Variants in FBN1 observed in about 807,000 individuals in gnomAD.
FBN1 encodes fibrillin-1.
FBN1 carries 29 observed loss-of-function variants against 365.1 expected under a neutral mutation model. That is an observed-to-expected ratio of 0.08 (90% CI 0.06 to 0.11). The LOEUF is 0.11. Ranked by LOEUF, FBN1 falls within the 10% of genes least tolerant of loss-of-function variation. FBN1 has a pLI of 1.00. For synonymous variants in FBN1, 1,210 were observed against 1,270.5 expected, an observed-to-expected ratio of 0.95 and a Z score of 1.01; for missense variants, 2,476 against 3,703.2, an observed-to-expected ratio of 0.67 and a Z score of 8.60.
In FBN1 at chr15:48,489,200, ATTTTTTTTTTTTTTTTT is replaced by A. The variant is rs756179079; in HGVS notation, c.3082+634_3082+650del. 8.3e-5 allele frequency among the ~76,000 whole-genome samples: 4 copies of A among 48,452 alleles called. No individual in the cohort carries two copies. The East Asian group carries it at 2.9e-3, about 35-fold the overall frequency. The allele number at this position is 48,452 out of a possible 152,430, so 31.8% of individuals were successfully genotyped here. A position where few individuals can be genotyped will look rare whatever the true frequency, so the allele number is the denominator to read the frequency against. On this transcript the variant is annotated intron_variant, in intron 25 of 65. Transcript: ENST00000316623. ...CAGGTGTGCACCACCATGCCTAGAT[ATTTTTTTTTTTTTTTTT>A]TTTTTTTTTTTTGTAGACACAGGGT...
chr15:48,540,243 T>C (rs868501049), intron 6 of FBN1, among the ~76,000 whole-genome samples: 65 of 152,286 alleles, frequency 4.3e-4, no homozygotes, highest in African/African-American at 1.1e-3. Flanking sequence ...CTTTAGACAA[T>C]TGAGAAAAGG....
chr15:48,438,705 G>C (rs2043091240), intron 50 of FBN1, among the ~76,000 whole-genome samples: 1 of 152,162 alleles, frequency 6.6e-6, no homozygotes, highest in Admixed American at 6.5e-5. Context: ...TTTCAATATT[G>C]ATTATTGCTT....
At chr15:48,556,509 G>C (rs775537500) in intron 6 of FBN1, among the ~76,000 whole-genome samples, 5 of 152,198 alleles carry the variant, frequency 3.3e-5, no homozygotes, top group Admixed American at 6.5e-5. Flanking sequence ...GAATTAAGTG[G>C]AAAAGTGCTT....
At chr15:48,444,216 C>T (rs946776935) in intron 49 of FBN1, among the ~76,000 whole-genome samples, 1 of 152,032 alleles carries the variant, frequency 6.6e-6, no homozygotes, top group African/African-American at 2.4e-5. Flanking sequence ...TTTTTAGCTG[C>T]AAAGAATCGC....
At chr15:48,642,997 G>C (rs1236914432) in intron 2 of FBN1, 1 of 152,194 alleles carries the variant, frequency 6.6e-6, no homozygotes, top group East Asian at 1.9e-4. Context: ...ACTAGTTGGT[G>C]ACAGCCCAGA....
intron 53 of FBN1, 116 bp downstream of exon 53, chr15:48,436,845 T>C (rs2043075835): frequency 2.2e-5 from 17 of 773,928 alleles, no homozygotes; most frequent in Non-Finnish European, 2.4e-6. Context: ...TATGAGTGGA[T>C]GGATAAAACT....
chr15:48,581,694 TCTGA>T (rs1176150577), intron 6 of FBN1, among the ~76,000 whole-genome samples: 1 of 152,116 alleles, frequency 6.6e-6, no homozygotes, highest in African/African-American at 2.4e-5. Flanking sequence ...GTGTCAGCAG[TCTGA>T]CTGAAAATCA....
intron 2 of FBN1, among the ~76,000 whole-genome samples, chr15:48,635,305 A>C (rs545868463): frequency 6.6e-6 from 1 of 152,346 alleles, no homozygotes; most frequent in Admixed American, 6.5e-5. Flanking sequence ...CAACCAAAAA[A>C]AAGTCACTTA....
At chr15:48,435,692 A>G (rs2413902) in intron 53 of FBN1, among the ~76,000 whole-genome samples, 2,270 of 133,126 alleles carry the variant, frequency 0.017, 48 homozygotes, top group East Asian at 0.08. Context: ...GTGTGTGTGC[A>G]TGTGTGTGTG....
In FBN1 at chr15:48,443,677, G is replaced by C. The variant is rs188141456; in HGVS notation, c.6037+864C>G. On this transcript the variant is annotated intron_variant, in intron 49 of 65. Transcript: ENST00000316623. ...CAGACCTGTTTAAAGTCAGGGGTGT[G>C]AACTAGGTGACTTCTTGAAAATCCT... Among the ~76,000 whole-genome samples, 573 of 152,278 alleles carry C rather than the reference G, an allele frequency of 3.8e-3. 6 individuals are homozygous for C. Among genetic ancestry groups the C allele is most frequent in the African/African-American group, 0.013 (553 of 41,564 alleles).
At chr15:48,577,637 G>T (rs1397895367) in intron 6 of FBN1, among the ~76,000 whole-genome samples, 2 of 152,082 alleles carry the variant, frequency 1.3e-5, no homozygotes, top group African/African-American at 4.8e-5. Flanking sequence ...AACAAAGCCT[G>T]TTATTTCTTG....
In FBN1 at chr15:48,441,635, A is replaced by G. The variant is rs565056329; in HGVS notation, c.6163+86T>C. On this transcript the variant is annotated intron_variant, in intron 50 of 65. Transcript: ENST00000316623. ...ACTCTCCATCTTCCTGTTCACAAAG[A>G]AACAGAGCTTTGCCATGTTTGAAAA... The G allele has an allele frequency of 5.2e-5, 80 of 1,534,040 alleles. No individual in the cohort carries two copies. The African/African-American group carries it at 1.1e-3, about 21-fold the overall frequency.
At chr15:48,599,745 T>C (rs2044547423) in intron 5 of FBN1, among the ~76,000 whole-genome samples, 2 of 152,144 alleles carry the variant, frequency 1.3e-5, no homozygotes, top group Admixed American at 1.3e-4. Flanking sequence ...TTAGAGAGAA[T>C]GATGAGGCTG....
At chr15:48,582,954 T>C (rs528359266) in intron 6 of FBN1, among the ~76,000 whole-genome samples, 6 of 152,180 alleles carry the variant, frequency 3.9e-5, no homozygotes, top group Non-Finnish European at 7.3e-5. Context: ...AAGAGTCTCA[T>C]GGTCAGCCGG....
chr15:48,489,705 C>T, intron 25 of FBN1, 146 bp downstream of exon 25: 2 of 731,970 alleles, frequency 2.7e-6, no homozygotes, highest in Non-Finnish European at 2.3e-6. Context: ...ACAAAAAGTT[C>T]ATACTTTTCT....
rs2141249124 is a variant in FBN1 at position 48,445,397 on chromosome 15, G to A, written c.5896C>T (p.Pro1966Ser). 3 of 1,612,522 alleles carry A rather than the reference G, an allele frequency of 1.9e-6. No homozygotes were observed. Among genetic ancestry groups the A allele is most frequent in the Non-Finnish European group, 2.5e-6 (3 of 1,179,166 alleles). ...CQCNEGYEVA[P>S]DGRTCVDINE... is the part of the protein sequence containing the mutation. Reference sequence around the variant, plus strand: ...TTACCCACACAGGTCCTCCCATCTGGAGCCACCTCATAGCCTTCATTGCAC... The same window carrying A: ...TTACCCACACAGGTCCTCCCATCTGAAGCCACCTCATAGCCTTCATTGCAC... The change falls in exon 48 of 66, where the codon CCA becomes TCA. Residue 1966 changes from proline (P) to serine (S), a missense_variant. By Grantham distance (74) the Pro-to-Ser change is moderately conservative (BLOSUM62 -1). This residue lies in a region of FBN1 where 1,780 missense variants were observed against 2,840.8 expected (regional missense o/e 0.63). Transcript: ENST00000316623.
chr15:48,508,195 T>C (rs1212953719), intron 15 of FBN1, among the ~76,000 whole-genome samples: 1 of 152,134 alleles, frequency 6.6e-6, no homozygotes, highest in African/African-American at 2.4e-5. Flanking sequence ...CAGGTAAAGA[T>C]GTAAGAGGTG....
chr15:48,527,713 T>C (rs1219609536), intron 8 of FBN1, among the ~76,000 whole-genome samples: 1 of 152,248 alleles, frequency 6.6e-6, no homozygotes, highest in Non-Finnish European at 1.5e-5. Flanking sequence ...TTAACCTTTT[T>C]AAAACCAAAA....
chr15:48,436,522 C>CA (rs1243804912), intron 53 of FBN1, among the ~76,000 whole-genome samples: 2 of 151,452 alleles, frequency 1.3e-5, no homozygotes, highest in Non-Finnish European at 2.9e-5. Flanking sequence ...AACAGGGTTA[C>CA]AAAAAAAAGA....
Sources: allele counts gnomAD v4.1 joint callset (sites outside exome capture counted in the v4.1 genomes callset), GRCh38; gene constraint gnomAD v4.1.1; regional missense constraint gnomAD v4.1.1; transcripts MANE v1.5; gene names NCBI Gene and HGNC (gene_info 2026-07-23, HGNC 2026-07-21).